The following TUBGCP6 variants were observed in gnomAD, a reference collection of about 807,000 sequenced individuals.
TUBGCP6 encodes the protein tubulin gamma complex component 6.
A neutral mutation model predicts 175.8 loss-of-function variants in TUBGCP6; 161 were observed. The observed-to-expected ratio is 0.92, with a 90% CI of 0.81 to 1.04. TUBGCP6 has a LOEUF of 1.04. TUBGCP6 is among the 50% of genes least tolerant of loss of function. The probability of loss-of-function intolerance (pLI) is 0.00; values close to 1 mark genes in which losing one functional copy is unlikely to be tolerated. For missense variants in TUBGCP6, 2,572 were observed against 2,433.0 expected, an observed-to-expected ratio of 1.06 and a Z score of -1.20; for synonymous variants, 1,173 against 1,030.5, an observed-to-expected ratio of 1.14 and a Z score of -2.65.
chr22:50,234,331 A>ACGG lies in TUBGCP6; in HGVS notation c.906-806_906-805insCCG, dbSNP rs1290874190. ...GGCAGCATCATCCACACCCCTGTCCACAGCAGCATCCACACCCCTGTCCAC... is the reference window on the plus strand; with the variant it reads ...GGCAGCATCATCCACACCCCTGTCCACGGCAGCAGCATCCACACCCCTGTCCAC... On this transcript the variant is annotated intron_variant, in intron 2 of 24. Transcript: ENST00000248846. Among the ~76,000 whole-genome samples, 7 of 6,054 alleles carry ACGG rather than the reference A, an allele frequency of 1.2e-3. No individual in the cohort carries two copies. In the East Asian group the frequency reaches 0.021, roughly 19 times the overall value. The allele number at this position is 6,054 out of a possible 152,430, so 4.0% of individuals were successfully genotyped here. A position where few individuals can be genotyped will look rare whatever the true frequency, so the allele number is the denominator to read the frequency against.
intron 10 of TUBGCP6, among the ~76,000 whole-genome samples, chr22:50,224,993 G>A (rs964816483): frequency 9.2e-5 from 14 of 152,236 alleles, no homozygotes; most frequent in South Asian, 2.1e-4. Flanking sequence ...ACTCAGGGCC[G>A]GCAGGGGAGA....
At position 50,218,337 on chromosome 22, in the gene TUBGCP6, G is replaced by A; in HGVS notation, c.5020C>T (p.Gln1674Ter). The A allele has an allele frequency of 6.2e-7, 1 of 1,613,108 alleles. No homozygotes were observed. Among genetic ancestry groups the A allele is most frequent in the Non-Finnish European group, 8.5e-7 (1 of 1,179,986 alleles). ...RQLQLFKHEM[Q>*]HFVKVIQGYI... is the part of the protein sequence containing the mutation. ...CCCTGGATGACCTTCACGAAATGCT[G>A]CATCTCGTGCTTGAACAGCTGCAGC... is the stretch of plus-strand genomic sequence containing the variant. Residue 1674 changes from glutamine (Q) to a stop codon, truncating the protein, a stop_gained, in exon 23 of 25, where the codon CAG (glutamine) becomes TAG (stop). Coordinates refer to ENST00000248846, the MANE Select transcript of TUBGCP6 (RefSeq NM_020461.4). LOFTEE classifies it high-confidence loss of function.
chr22:50,228,678 C>A (rs2064650543), intron 4 of TUBGCP6, among the ~76,000 whole-genome samples: 1 of 152,114 alleles, frequency 6.6e-6, no homozygotes, highest in Admixed American at 6.5e-5. Context: ...TCCCCCGGGG[C>A]TGAGCCTCTG....
rs745462766 is a variant in TUBGCP6, at chr22:50,218,845, G to C, written c.4679C>G (p.Ser1560Cys). ...GCACTGCAGGGCCTTGCTCAGCACAGAGTTCAGCACCAGCGGGTTGAGCAG... is the reference window on the plus strand; with the variant it reads ...GCACTGCAGGGCCTTGCTCAGCACACAGTTCAGCACCAGCGGGTTGAGCAG... ...GELLNPLVLN[S>C]VLSKALQCSL... Residue 1560 changes from serine to cysteine, a missense_variant, in exon 21 of 25, where the codon TCT (serine) becomes TGT (cysteine). Physicochemically the swap from Ser to Cys is moderately radical, Grantham distance 112. Coordinates refer to ENST00000248846, the MANE Select transcript of TUBGCP6 (RefSeq NM_020461.4). 1.7e-5 allele frequency: 27 copies of C among 1,614,066 alleles called. No homozygotes were observed. Among genetic ancestry groups the C allele is most frequent in the Non-Finnish European group, 2.2e-5 (26 of 1,180,012 alleles).
chr22:50,225,795 T>G lies in TUBGCP6; in HGVS notation c.1982A>C (p.Lys661Thr). Reference sequence around the variant, plus strand: ...CCCGAGACCTGTGGTGCCACGCACCTTCTCCTCCTTGCTGACAGAGCTGTG... The same window carrying G: ...CCCGAGACCTGTGGTGCCACGCACCGTCTCCTCCTTGCTGACAGAGCTGTG... ...ARHSSVSKEE[K>T]ELRMEIAKQE... Residue 661 changes from lysine to threonine, a missense_variant and splice_region_variant, in exon 10 of 25, where the codon AAG (lysine) becomes ACG (threonine). By Grantham distance (78) the Lys-to-Thr change is moderately conservative. Transcript: ENST00000248846. 6.2e-7 allele frequency: 1 copy of G among 1,611,868 alleles called. No individual in the cohort carries two copies. The highest frequency in any genetic ancestry group is 8.5e-7 in the Non-Finnish European group (1 of 1,178,980).
chr22:50,224,140 C>T lies in TUBGCP6; in HGVS notation c.2270+1G>A. 6.2e-7 allele frequency: 1 copy of T among 1,612,726 alleles called. No homozygotes were observed. The highest frequency in any genetic ancestry group is 1.1e-5 in the South Asian group (1 of 91,064). ...TGGGCCTGGAGCCCGGGCTGCCCTA[C>T]CTCGCCTTCCTCTCCAGCTCCTCCT... On this transcript the variant is annotated splice_donor_variant, in intron 13 of 24. Coordinates refer to ENST00000248846, the MANE Select transcript of TUBGCP6 (RefSeq NM_020461.4). LOFTEE classifies it high-confidence loss of function.
In TUBGCP6 at chr22:50,222,875, T is replaced by A. The variant is rs150759038; in HGVS notation, c.2271-283A>T. The A allele has an allele frequency of 5.4e-3, 2,221 of 408,280 alleles. 17 individuals are homozygous for A. The highest frequency in any genetic ancestry group is 0.018 in the Admixed American group (450 of 25,650). The allele number at this position is 408,280 out of a possible 1,614,324, so 25.3% of individuals were successfully genotyped here. The stretch of plus-strand genomic sequence containing the variant: ...TACCAGAATGAGATCCTGTGTGGCC[T>A]GAAGCAAGGGGTGAGCAGGAGGCCG... On this transcript the variant is annotated intron_variant, in intron 13 of 24. Transcript: ENST00000248846.
chr22:50,223,386 T>C (rs2064557837), intron 13 of TUBGCP6: 1 of 152,364 alleles, frequency 6.6e-6, no homozygotes. Flanking sequence ...AACAGCCCCT[T>C]GAAGGATCCA....
At chr22:50,223,955 C>T in intron 13 of TUBGCP6, 186 bp downstream of exon 13, 3 of 607,932 alleles carry the variant, frequency 4.9e-6, no homozygotes, top group Non-Finnish European at 8.7e-6. Context: ...ACGCGCAGAA[C>T]AGCTAAGGAT....
Position 50,218,183 on chromosome 22 carries a change from C to A in TUBGCP6, c.5168+6G>T, listed in dbSNP as rs961542820. On this transcript the variant is annotated splice_donor_region_variant and intron_variant, in intron 23 of 24. Transcript: ENST00000248846. ...CACAGGGACGCAGCCGCTGCCCAGG[C>A]CTCACCTGAAGACGGCCTTGTGCAG... is the stretch of plus-strand genomic sequence containing the variant. The A allele has an allele frequency of 4.3e-6, 7 of 1,611,236 alleles. No homozygotes were observed. Among genetic ancestry groups the A allele is most frequent in the African/African-American group, 2.7e-5 (2 of 74,938 alleles).
At position 50,227,097 on chromosome 22, in the gene TUBGCP6, G is replaced by A. The variant is rs1478513135; in HGVS notation, c.1413-20C>T. 4.4e-6 allele frequency: 7 copies of A among 1,601,450 alleles called. No homozygotes were observed. The highest frequency in any genetic ancestry group is 5.1e-6 in the Non-Finnish European group (6 of 1,173,400). Reference sequence around the variant, plus strand: ...AGGTACCTAGACCCAGAGGCAGGATGAGACCAGGTGACCGGGCTCAGGGTT... The same window carrying A: ...AGGTACCTAGACCCAGAGGCAGGATAAGACCAGGTGACCGGGCTCAGGGTT... On this transcript the variant is annotated intron_variant, in intron 5 of 24. Coordinates refer to ENST00000248846, the MANE Select transcript of TUBGCP6 (RefSeq NM_020461.4).
In TUBGCP6 at chr22:50,223,072, G is replaced by A. The variant is rs9617120; in HGVS notation, c.2271-480C>T. 6.3e-3 allele frequency: 996 copies of A among 159,010 alleles called. 4 individuals are homozygous for A. Among genetic ancestry groups the A allele is most frequent in the Non-Finnish European group, 0.01 (721 of 71,776 alleles). The allele number at this position is 159,010 out of a possible 1,614,324, so 9.8% of individuals were successfully genotyped here. A position where few individuals can be genotyped will look rare whatever the true frequency, so the allele number is the denominator to read the frequency against. ...CCCCATGATTTTGAGCTTCTCACCA[G>A]CAGGCAACTGGGCTCAAACCTGGAC... On this transcript the variant is annotated intron_variant, in intron 13 of 24. Coordinates refer to ENST00000248846, the MANE Select transcript of TUBGCP6 (RefSeq NM_020461.4).
chr22:50,221,013 T>G lies in TUBGCP6; in HGVS notation c.3346A>C (p.Arg1116=), dbSNP rs2064512579. The G allele has an allele frequency of 1.2e-6, 2 of 1,611,460 alleles. No individual in the cohort carries two copies. Among genetic ancestry groups the G allele is most frequent in the Non-Finnish European group, 8.5e-7 (1 of 1,179,436 alleles). The change falls in exon 16 of 25, where the codon AGG becomes CGG. Residue 1116 remains arginine, a synonymous_variant. Transcript: ENST00000248846. Reference sequence around the variant, plus strand: ...ACATCTGACACATTCTCCCCGACCCTGATGCTGGCGTTGGACACATGTCCA... The same window carrying G: ...ACATCTGACACATTCTCCCCGACCCGGATGCTGGCGTTGGACACATGTCCA... The part of the protein sequence containing the change: ...IHGHVSNASI[R]VGENVSDVAP...
intron 13 of TUBGCP6, 183 bp downstream of exon 13, chr22:50,223,958 C>A (rs2064566813): frequency 3.3e-6 from 2 of 612,728 alleles, no homozygotes; most frequent in Admixed American, 5.7e-5. Flanking sequence ...CGCAGAACAG[C>A]TAAGGATGCC....
In TUBGCP6 at chr22:50,219,053, G is replaced by A. The variant is rs756059959; in HGVS notation, c.4626+15C>T. The stretch of plus-strand genomic sequence containing the variant: ...TCCCCTCTACCACTGGCCCCACCCC[G>A]TGTCCGGAGGCCACCTTCTCAAAGA... On this transcript the variant is annotated intron_variant, in intron 20 of 24. Coordinates refer to ENST00000248846, the MANE Select transcript of TUBGCP6 (RefSeq NM_020461.4). The A allele has an allele frequency of 3.4e-5, 55 of 1,611,120 alleles. No individual in the cohort carries two copies. The highest frequency in any genetic ancestry group is 2.2e-4 in the Admixed American group (13 of 59,966).
chr22:50,232,618 G>C (rs1042907509), intron 3 of TUBGCP6, among the ~76,000 whole-genome samples: 10 of 152,134 alleles, frequency 6.6e-5, no homozygotes, highest in African/African-American at 2.4e-4. Context: ...CAACAGACAA[G>C]ATGAGCTGTG....
At chr22:50,234,946 C>G (rs2064750800) in intron 2 of TUBGCP6, among the ~76,000 whole-genome samples, 1 of 151,154 alleles carries the variant, frequency 6.6e-6, no homozygotes, top group Non-Finnish European at 1.5e-5. Context: ...GCATCGCCCA[C>G]ACTCCCGTCC....
At position 50,219,653 on chromosome 22, in the gene TUBGCP6, C is replaced by CCG; in HGVS notation, c.4305_4306insCG (p.Glu1436ArgfsTer40). 6.2e-7 allele frequency: 1 copy of CCG among 1,613,482 alleles called. No individual in the cohort carries two copies. The highest frequency in any genetic ancestry group is 8.5e-7 in the Non-Finnish European group (1 of 1,179,812). ...CAACTGCTGCACTCACACATGGACT[C>CCG]GTAACTGTCCGGGTACCGCTCCAAG... On this transcript the variant is annotated frameshift_variant, in exon 18 of 25. Coordinates refer to ENST00000248846, the MANE Select transcript of TUBGCP6 (RefSeq NM_020461.4). LOFTEE classifies it high-confidence loss of function.
In TUBGCP6 at chr22:50,222,114, G is replaced by T; in HGVS notation, c.2410-12C>A. The T allele has an allele frequency of 6.2e-7, 1 of 1,612,938 alleles. No individual in the cohort carries two copies. On this transcript the variant is annotated splice_polypyrimidine_tract_variant and intron_variant, in intron 14 of 24. Coordinates refer to ENST00000248846, the MANE Select transcript of TUBGCP6 (RefSeq NM_020461.4). ...GCTTTCAGCATCTCCTGAAATTCAA[G>T]CCAGAGGGGTGACTGGCCAAGCCGG... is the stretch of plus-strand genomic sequence containing the variant.
Sources: gnomAD v4.1 joint callset for allele counts (sites outside exome capture counted in the v4.1 genomes callset) on GRCh38, gnomAD v4.1.1 for gene constraint, MANE v1.5 for transcripts, NCBI Gene and HGNC (gene_info 2026-07-23, HGNC 2026-07-21) for gene names.